The following CRIM1 variants were observed in gnomAD, a reference collection of about 807,000 sequenced individuals.
CRIM1 encodes the protein cysteine-rich motor neuron 1 protein.
In CRIM1, 32 loss-of-function variants were observed where a neutral mutation model predicts 116.4. The observed-to-expected ratio is 0.27, with a 90% CI of 0.21 to 0.37. The LOEUF is 0.37. Ranked by LOEUF, CRIM1 falls within the 10% of genes least tolerant of loss-of-function variation. CRIM1 has a pLI of 1.00. For missense variants in CRIM1, 1,331 were observed against 1,354.8 expected, an observed-to-expected ratio of 0.98 and a Z score of 0.28; for synonymous variants, 590 against 509.2, an observed-to-expected ratio of 1.16 and a Z score of -2.13.
At position 36,378,360 on chromosome 2, in the gene CRIM1, C is replaced by T. The variant is rs114991376; in HGVS notation, c.332-18254C>T. On this transcript the variant is annotated intron_variant, in intron 1 of 16. Coordinates refer to ENST00000280527, the MANE Select transcript of CRIM1 (RefSeq NM_016441.3). ...CACCTAACATGTTTCTCTCTAGCTG[C>T]GGGGTATTGAATTTGAGGCTGCTCT... 1,162 of 471,072 alleles carry T rather than the reference C, an allele frequency of 2.5e-3. 4 individuals carry two copies. The highest frequency in any genetic ancestry group is 3.1e-3 in the Non-Finnish European group (702 of 227,036). The allele number at this position is 471,072 out of a possible 1,614,324, so 29.2% of individuals were successfully genotyped here.
intron 2 of CRIM1, among the ~76,000 whole-genome samples, chr2:36,412,467 T>C (rs1198608453): frequency 6.6e-6 from 1 of 152,210 alleles, no homozygotes; most frequent in Non-Finnish European, 1.5e-5. Context: ...TTTACTGCTC[T>C]CTTTATTGAA....
chr2:36,442,936 G>A (rs552413340), intron 4 of CRIM1, among the ~76,000 whole-genome samples: 11 of 152,224 alleles, frequency 7.2e-5, no homozygotes, highest in East Asian at 3.9e-4. Flanking sequence ...AGGTTAAGTC[G>A]TTAAACCTTA....
Position 36,479,918 on chromosome 2 carries a change from G to A in CRIM1, c.1372+224G>A, listed in dbSNP as rs114010357. Reference sequence around the variant, plus strand: ...CATTATTTTGCCATTGCAAATATGCGCGTCTGAATACTTTACAGTATAAGA... The same window carrying A: ...CATTATTTTGCCATTGCAAATATGCACGTCTGAATACTTTACAGTATAAGA... On this transcript the variant is annotated intron_variant, in intron 7 of 16. Coordinates refer to ENST00000280527, the MANE Select transcript of CRIM1 (RefSeq NM_016441.3). 9.1e-3 allele frequency among the ~76,000 whole-genome samples: 1,384 copies of A among 152,270 alleles called. 23 individuals carry two copies. The highest frequency in any genetic ancestry group is 0.031 in the African/African-American group (1,289 of 41,540).
At chr2:36,462,492 G>A (rs752051259) in intron 4 of CRIM1, among the ~76,000 whole-genome samples, 11 of 152,354 alleles carry the variant, frequency 7.2e-5, no homozygotes, top group Non-Finnish European at 1.0e-4. Context: ...AACCCAGCAC[G>A]TAAGTGCACG....
rs552630443 is a variant in CRIM1 at position 36,463,813 on chromosome 2, G to A, written c.870-721G>A. On this transcript the variant is annotated intron_variant, in intron 4 of 16. Transcript: ENST00000280527. ...GCTCATGGAACACCCCCATTCATGCGTGCAGAGAGATCGATGCTCAGGTGG... is the reference window on the plus strand; with the variant it reads ...GCTCATGGAACACCCCCATTCATGCATGCAGAGAGATCGATGCTCAGGTGG... 7.8e-4 allele frequency among the ~76,000 whole-genome samples: 119 copies of A among 152,276 alleles called. 1 individual carries two copies. Among genetic ancestry groups the A allele is most frequent in the African/African-American group, 2.6e-3 (106 of 41,546 alleles).
At chr2:36,464,779 G>A in intron 5 of CRIM1, 124 bp downstream of exon 5, 1 of 1,167,984 alleles carries the variant, frequency 8.6e-7, no homozygotes, top group Non-Finnish European at 1.2e-6. Context: ...TTGCTGAAGG[G>A]CACTCAAAAA....
chr2:36,510,019 C>T lies in CRIM1; in HGVS notation c.1538C>T (p.Thr513Ile), dbSNP rs780784825. 8.7e-6 allele frequency: 14 copies of T among 1,614,144 alleles called. No individual in the cohort carries two copies. Among genetic ancestry groups the T allele is most frequent in the South Asian group, 5.5e-5 (5 of 91,082 alleles). The change falls in exon 9 of 17, where the codon ACC (threonine) becomes ATC (isoleucine). Residue 513 changes from threonine (T) to isoleucine (I), a missense_variant. By Grantham distance (89) the Thr-to-Ile change is moderately conservative. Around this residue, in one of 3 missense-constraint regions of CRIM1, gnomAD observed 358 missense variants for 436.1 expected, o/e 0.82. Coordinates refer to ENST00000280527, the MANE Select transcript of CRIM1 (RefSeq NM_016441.3). ...TGTTCAGAACGTAAACAAGGCTGCA[C>T]CTTGAACTGTCCCTTCGGTTTCCTT... ...ELCSERKQGC[T>I]LNCPFGFLTD...
chr2:36,461,444 T>A (rs1677574015), intron 4 of CRIM1, among the ~76,000 whole-genome samples: 1 of 152,188 alleles, frequency 6.6e-6, no homozygotes, highest in South Asian at 2.1e-4. Flanking sequence ...ATGCGTCAGT[T>A]CTTCTGTAGT....
chr2:36,361,752 G>A (rs908230635), intron 1 of CRIM1, among the ~76,000 whole-genome samples: 5 of 152,160 alleles, frequency 3.3e-5, no homozygotes, highest in Non-Finnish European at 7.3e-5. Flanking sequence ...AGGGTAGGAG[G>A]TGGTAAAATG....
chr2:36,457,568 G>T (rs1378056831), intron 4 of CRIM1, among the ~76,000 whole-genome samples: 1 of 152,084 alleles, frequency 6.6e-6, no homozygotes, highest in Non-Finnish European at 1.5e-5. Context: ...ATAAGCTTGA[G>T]ACAGGGGAGA....
chr2:36,399,160 C>T (rs1672244623), intron 2 of CRIM1, among the ~76,000 whole-genome samples: 1 of 152,096 alleles, frequency 6.6e-6, no homozygotes, highest in Non-Finnish European at 1.5e-5. Flanking sequence ...GAGGATAGGA[C>T]CAGATTATGA....
At chr2:36,383,510 T>TA (rs938766849) in intron 1 of CRIM1, among the ~76,000 whole-genome samples, 3 of 152,222 alleles carry the variant, frequency 2.0e-5, no homozygotes, top group African/African-American at 7.2e-5. Context: ...GTATTGTTAG[T>TA]AGAGTATAAT....
intron 2 of CRIM1, among the ~76,000 whole-genome samples, chr2:36,406,528 T>G (rs934838445): frequency 3.9e-5 from 6 of 151,988 alleles, no homozygotes; most frequent in African/African-American, 1.4e-4. Flanking sequence ...TCCAGATCCT[T>G]TGCTCATGTC....
chr2:36,451,277 A>G (rs554110213), intron 4 of CRIM1, among the ~76,000 whole-genome samples: 7 of 152,124 alleles, frequency 4.6e-5, no homozygotes, highest in South Asian at 2.1e-4. Context: ...TTGGAAGGTA[A>G]TAAGAAGGAA....
At chr2:36,505,818 T>A (rs991731113) in intron 8 of CRIM1, among the ~76,000 whole-genome samples, 9 of 152,144 alleles carry the variant, frequency 5.9e-5, no homozygotes, top group African/African-American at 2.2e-4. Flanking sequence ...CTGTGTTGAA[T>A]CAACGAATAA....
intron 1 of CRIM1, among the ~76,000 whole-genome samples, chr2:36,392,870 C>A (rs1435258326): frequency 6.6e-6 from 1 of 152,190 alleles, no homozygotes; most frequent in Admixed American, 6.5e-5. Context: ...ATGTTGTTAG[C>A]TTTAGAGTCA....
intron 13 of CRIM1, among the ~76,000 whole-genome samples, chr2:36,537,100 C>T (rs1227903767): frequency 6.6e-6 from 1 of 152,178 alleles, no homozygotes; most frequent in Non-Finnish European, 1.5e-5. Context: ...TCTAAGGACA[C>T]TTATCTAACA....
intron 1 of CRIM1, among the ~76,000 whole-genome samples, chr2:36,362,489 A>C (rs571959220): frequency 1.3e-5 from 2 of 152,332 alleles, no homozygotes; most frequent in African/African-American, 4.8e-5. Flanking sequence ...CAAAACGGCA[A>C]GTTTCCTTTT....
At chr2:36,370,018 C>A (rs1669846110) in intron 1 of CRIM1, among the ~76,000 whole-genome samples, 1 of 152,330 alleles carries the variant, frequency 6.6e-6, no homozygotes, top group South Asian at 2.1e-4. Flanking sequence ...CTCTGTAGAT[C>A]AGCAAACTGA....
Sources: allele counts gnomAD v4.1 joint callset (sites outside exome capture counted in the v4.1 genomes callset), GRCh38; gene constraint gnomAD v4.1.1; regional missense constraint gnomAD v4.1.1; transcripts MANE v1.5; gene names NCBI Gene and HGNC (gene_info 2026-07-23, HGNC 2026-07-21).